The following RP1 variants were observed in gnomAD, a reference collection of about 807,000 sequenced individuals.
RP1 encodes RP1 axonemal microtubule associated.
Under a neutral mutation model 14.8 loss-of-function variants are expected in RP1, and 16 were observed. The ratio of observed to expected loss-of-function variants is 1.08; its 90% CI spans 0.73 to 1.65. The LOEUF (loss-of-function observed/expected upper bound fraction) is 1.65, where lower values mean the gene tolerates loss of function less well. Ranked by LOEUF, RP1 falls within the 40% of genes most tolerant of loss-of-function variation. The pLI, the probability that RP1 is intolerant of heterozygous loss-of-function variation, is 0.00. For synonymous variants in RP1, 876 were observed against 883.6 expected (o/e 0.99, Z 0.15); for missense variants, 2,631 against 2,535.0 (o/e 1.04, Z -0.81).
At chr8:54,584,254 A>T (rs757184404) in intron 1 of RP1, among the ~76,000 whole-genome samples, 5 of 152,130 alleles carry the variant, frequency 3.3e-5, no homozygotes, top group Non-Finnish European at 5.9e-5. Context: ...TCATTTCGTT[A>T]TGTACCCAGT....
exon 12 of RP1, chr8:54,679,842 T>C: frequency 4.6e-6 from 7 of 1,536,080 alleles, no homozygotes; most frequent in Non-Finnish European, 5.2e-6. Flanking sequence ...AAGGAAATAC[T>C]CTTCAGTTCT....
At chr8:54,779,497 G>T (rs879538316) in intron 23 of RP1, among the ~76,000 whole-genome samples, 14 of 152,120 alleles carry the variant, frequency 9.2e-5, no homozygotes, top group Non-Finnish European at 1.5e-4. Flanking sequence ...CTAGACACAG[G>T]TGTTTCTATA....
intron 3 of RP1, among the ~76,000 whole-genome samples, chr8:54,624,138 A>C (rs552097333): frequency 6.6e-6 from 1 of 152,292 alleles, no homozygotes; most frequent in Non-Finnish European, 1.5e-5. Flanking sequence ...GTTTTCTCAA[A>C]TAACTATTGG....
At position 54,625,844 on chromosome 8, in the gene RP1, A is replaced by G; in HGVS notation, c.1962A>G (p.Leu654=). The G allele has an allele frequency of 3.7e-6, 6 of 1,613,592 alleles. No individual in the cohort carries two copies. Among genetic ancestry groups the G allele is most frequent in the Non-Finnish European group, 4.2e-6 (5 of 1,179,974 alleles). Reference sequence around the variant, plus strand: ...TTAATGAATTTGCTCAGTGTGGTTTAACAAAACTTCCAAAAAATGAAAAGA... The same window carrying G: ...TTAATGAATTTGCTCAGTGTGGTTTGACAAAACTTCCAAAAAATGAAAAGA... ...RLINEFAQCG[L]TKLPKNEKKI... The change falls in exon 4 of 4, where the codon TTA becomes TTG. Residue 654 remains leucine, a synonymous_variant. Transcript: ENST00000220676.
intron 23 of RP1, among the ~76,000 whole-genome samples, chr8:54,775,826 T>C (rs555301410): frequency 3.9e-5 from 6 of 152,214 alleles, no homozygotes; most frequent in Non-Finnish European, 7.3e-5. Context: ...TCTAAATATA[T>C]TGAAGATCAT....
At chr8:54,722,425 C>T (rs991385722) in intron 16 of RP1, among the ~76,000 whole-genome samples, 1 of 151,864 alleles carries the variant, frequency 6.6e-6, no homozygotes, top group Non-Finnish European at 1.5e-5. Flanking sequence ...CGCCCGCCAC[C>T]GCGCCCAGCT....
chr8:54,673,805 CAG>C, intron 7 of RP1: 1 of 1,395,642 alleles, frequency 7.2e-7, no homozygotes, highest in Non-Finnish European at 9.8e-7. Context: ...TGGTATAAAT[CAG>C]AGTTATAGTC....
Position 54,592,532 on chromosome 8 carries a change from C to G in RP1, c.-12-28423C>G, listed in dbSNP as rs1422406962. On this transcript the variant is annotated intron_variant, in intron 1 of 22. Coordinates refer to the RP1 transcript ENST00000636932. The stretch of plus-strand genomic sequence containing the variant: ...TAAGTTTGAAACTTATTCTTTAGCC[C>G]TCTTGAAGATTCTGTGAGCCACTCA... Among the ~76,000 whole-genome samples the G allele has an allele frequency of 2.6e-5, 4 of 152,128 alleles. No homozygotes were observed. The East Asian group carries it at 7.7e-4, about 29-fold the overall frequency.
At chr8:54,755,893 A>G (rs548420554) in intron 21 of RP1, 8 of 957,330 alleles carry the variant, frequency 8.4e-6, no homozygotes, top group Non-Finnish European at 1.1e-5. Context: ...TCTTTAACAC[A>G]TTTTCCTGAC....
intron 25 of RP1, among the ~76,000 whole-genome samples, chr8:54,847,535 G>A (rs556056899): frequency 1.6e-4 from 25 of 152,352 alleles, no homozygotes; most frequent in African/African-American, 6.0e-4. Context: ...TTCTGGCTGC[G>A]TTCATTTTAG....
chr8:54,796,072 A>C (rs942505354), intron 24 of RP1, among the ~76,000 whole-genome samples: 6 of 152,202 alleles, frequency 3.9e-5, no homozygotes, highest in African/African-American at 1.4e-4. Flanking sequence ...CTCAATTGGT[A>C]GCCAAGGAAT....
At chr8:54,722,505 C>A (rs1295029161) in intron 16 of RP1, among the ~76,000 whole-genome samples, 1 of 152,012 alleles carries the variant, frequency 6.6e-6, no homozygotes, top group Non-Finnish European at 1.5e-5. Flanking sequence ...CTCCTGACCT[C>A]GTGATCCGCC....
chr8:54,794,143 A>T (rs1033277053), intron 24 of RP1, among the ~76,000 whole-genome samples: 4 of 151,896 alleles, frequency 2.6e-5, no homozygotes, highest in African/African-American at 7.2e-5. Flanking sequence ...TACCCAAAGC[A>T]ATTTACAGAT....
At position 54,627,947 on chromosome 8, in the gene RP1, C is replaced by G. The variant is rs1258631469; in HGVS notation, c.4065C>G (p.Asn1355Lys). Reference sequence around the variant, plus strand: ...CCAAAGAAAACACATATACTGATAACTTGGATTCAACTGAAGAGTTAGAAA... The same window carrying G: ...CCAAAGAAAACACATATACTGATAAGTTGGATTCAACTGAAGAGTTAGAAA... ...LNSKENTYTD[N>K]LDSTEELERG... The change falls in exon 4 of 4, where the codon AAC (asparagine) becomes AAG (lysine). Residue 1355 changes from asparagine to lysine, a missense_variant. Physicochemically the swap from Asn to Lys is moderately conservative, Grantham distance 94. Transcript: ENST00000220676. 1 of 1,613,902 alleles carries G rather than the reference C, an allele frequency of 6.2e-7. No individual in the cohort carries two copies. Among genetic ancestry groups the G allele is most frequent in the Non-Finnish European group, 8.5e-7 (1 of 1,179,964 alleles).
intron 16 of RP1, among the ~76,000 whole-genome samples, chr8:54,721,207 A>G (rs1808528716): frequency 6.6e-6 from 1 of 152,166 alleles, no homozygotes; most frequent in Non-Finnish European, 1.5e-5. Flanking sequence ...GCTTTTTTAA[A>G]AATTTTGCAA....
chr8:54,851,989 A>G (rs933525621), intron 25 of RP1, among the ~76,000 whole-genome samples: 1 of 152,200 alleles, frequency 6.6e-6, no homozygotes, highest in Non-Finnish European at 1.5e-5. Flanking sequence ...CTAATTATTT[A>G]TTTCTATCAA....
intron 25 of RP1, chr8:54,852,549 T>C: frequency 8.2e-7 from 1 of 1,221,428 alleles, no homozygotes. Flanking sequence ...ATGAGAAAGA[T>C]AATATCAGAT....
intron 23 of RP1, among the ~76,000 whole-genome samples, chr8:54,778,256 T>C (rs1433156445): frequency 1.3e-5 from 2 of 151,900 alleles, no homozygotes; most frequent in African/African-American, 4.8e-5. Flanking sequence ...GGGTCCAGTA[T>C]AGGCATGAGA....
intron 1 of RP1, among the ~76,000 whole-genome samples, chr8:54,595,079 T>C (rs1805109981): frequency 6.6e-6 from 1 of 151,970 alleles, no homozygotes; most frequent in Non-Finnish European, 1.5e-5. Flanking sequence ...TCCTTCTGAA[T>C]AGTATACTTT....
Sources: allele counts gnomAD v4.1 joint callset (sites outside exome capture counted in the v4.1 genomes callset), GRCh38; gene constraint gnomAD v4.1.1; transcripts MANE v1.5; gene names NCBI Gene and HGNC (gene_info 2026-07-23, HGNC 2026-07-21).